The following SOX5 variants were observed in gnomAD, a reference collection of about 807,000 sequenced individuals.
SOX5 encodes the protein transcription factor SOX-5.
SOX5 carries 9 observed loss-of-function variants against 92.0 expected under a neutral mutation model. The observed-to-expected ratio is 0.10, with a 90% CI of 0.06 to 0.17. The LOEUF (loss-of-function observed/expected upper bound fraction) is 0.17. Ranked by LOEUF, SOX5 falls within the 10% of genes least tolerant of loss-of-function variation. The pLI is 1.00. For missense variants in SOX5, 642 were observed against 944.5 expected, an observed-to-expected ratio of 0.68 and a Z score of 4.20; for synonymous variants, 344 against 336.3, an observed-to-expected ratio of 1.02 and a Z score of -0.25.
rs373935943 is a variant in SOX5, at chr12:24,393,496, C to T, written c.-250-24857G>A. The stretch of plus-strand genomic sequence containing the variant: ...ATCTGTACTGAGTCTACCACCCACC[C>T]CAAAATAAGTAGGTATCTGAATAAT... On this transcript the variant is annotated intron_variant, in intron 1 of 4. Transcript: ENST00000446891. This position sits in a 1 kb window ranked among gnomAD's most constrained non-coding sequence, Gnocchi z 5.0. Among the ~76,000 whole-genome samples the T allele has an allele frequency of 2.1e-4, 32 of 152,094 alleles. 1 individual carries two copies. Among genetic ancestry groups the T allele is most frequent in the African/African-American group, 6.8e-4 (28 of 41,458 alleles).
rs768214783 is a variant in SOX5, at chr12:24,153,796, A to G, written c.-2+59547T>C. 3.3e-5 allele frequency among the ~76,000 whole-genome samples: 5 copies of G among 152,262 alleles called. 1 individual carries two copies. The highest frequency in any genetic ancestry group is 5.9e-5 in the Non-Finnish European group (4 of 68,014). ...GATGATCCTGATCTGTGAAAAGTAC[A>G]ACGAATTTTATCACTTTCAAAGTGC... On this transcript the variant is annotated intron_variant, in intron 4 of 4. Transcript: ENST00000446891.
chr12:23,823,884 C>T (rs975978563), intron 3 of SOX5, among the ~76,000 whole-genome samples: 10 of 152,138 alleles, frequency 6.6e-5, no homozygotes, highest in African/African-American at 2.4e-4. Context: ...TCTCTGATAG[C>T]CTTTCTTTCG....
At chr12:24,330,469 A>G (rs1951180077) in intron 2 of SOX5, among the ~76,000 whole-genome samples, 1 of 152,238 alleles carries the variant, frequency 6.6e-6, no homozygotes, top group Non-Finnish European at 1.5e-5. Context: ...TGCTGCAGCC[A>G]TACTGGAGTA....
At chr12:24,299,536 T>C (rs562967085) in intron 2 of SOX5, among the ~76,000 whole-genome samples, 1 of 152,262 alleles carries the variant, frequency 6.6e-6, no homozygotes, top group South Asian at 2.1e-4. Context: ...ACTTATTGTC[T>C]ATTGTTTAAC....
At chr12:23,785,694 G>A (rs777386591) in intron 3 of SOX5, among the ~76,000 whole-genome samples, 42 of 152,130 alleles carry the variant, frequency 2.8e-4, no homozygotes, top group Non-Finnish European at 3.8e-4. Context: ...AAAAATGTTC[G>A]TAAGGCATTA....
chr12:23,794,402 T>C (rs2095528010), intron 3 of SOX5, among the ~76,000 whole-genome samples: 1 of 152,156 alleles, frequency 6.6e-6, no homozygotes, highest in African/African-American at 2.4e-5. Context: ...TCTTGTAGTC[T>C]AGCAGCTACT....
At chr12:23,792,622 CAAAAAAAAAAAAAAAAAAAAAAAA>C (rs749845598) in intron 3 of SOX5, among the ~76,000 whole-genome samples, 22 of 38,964 alleles carry the variant, frequency 5.6e-4, no homozygotes, top group Non-Finnish European at 7.7e-4. Flanking sequence ...GGCTCTGTCT[CAAAAAAAAAAAAAAAAAAAAAAAA>C]AAAAAAAAAA....
At chr12:23,537,387 A>G (rs1384580763) in intron 13 of SOX5, among the ~76,000 whole-genome samples, 1 of 152,174 alleles carries the variant, frequency 6.6e-6, no homozygotes, top group Admixed American at 6.5e-5. Context: ...AGCCAGGGTC[A>G]TAATTACTGA....
upstream of SOX5, among the ~76,000 whole-genome samples, chr12:23,954,526 C>T (rs1305805977): frequency 1.3e-5 from 2 of 151,926 alleles, no homozygotes; most frequent in African/African-American, 4.8e-5. Context: ...TCACCAGATG[C>T]CTGGTGAGCT....
chr12:24,338,166 T>C (rs947900530), intron 2 of SOX5, among the ~76,000 whole-genome samples: 1 of 152,178 alleles, frequency 6.6e-6, no homozygotes, highest in African/African-American at 2.4e-5. Context: ...CAATAATTTT[T>C]ATTAATAAGG....
chr12:24,147,277 G>T (rs1356002105), intron 4 of SOX5, among the ~76,000 whole-genome samples: 1 of 152,150 alleles, frequency 6.6e-6, no homozygotes, highest in Non-Finnish European at 1.5e-5. Context: ...ATGCAAGGTT[G>T]TTTTAAAATT....
At chr12:23,671,847 G>A (rs2084834411) in intron 6 of SOX5, among the ~76,000 whole-genome samples, 1 of 152,026 alleles carries the variant, frequency 6.6e-6, no homozygotes, top group Non-Finnish European at 1.5e-5. Context: ...TTTGATTCAA[G>A]ACAAAGACAA....
intron 1 of SOX5, among the ~76,000 whole-genome samples, chr12:24,426,709 C>T (rs12826109): frequency 2.0e-5 from 3 of 152,092 alleles, no homozygotes; most frequent in Admixed American, 6.5e-5. Flanking sequence ...AATACTCCAG[C>T]GTACTGCCCC....
chr12:24,001,591 G>T (rs748269040), intron 4 of SOX5, among the ~76,000 whole-genome samples: 2 of 152,116 alleles, frequency 1.3e-5, no homozygotes, highest in Non-Finnish European at 2.9e-5. Flanking sequence ...AGTACTTTGA[G>T]AGGCAAAAGC....
intron 4 of SOX5, among the ~76,000 whole-genome samples, chr12:24,127,555 A>T (rs1294004208): frequency 6.6e-6 from 1 of 152,168 alleles, no homozygotes; most frequent in Admixed American, 6.5e-5. Flanking sequence ...ATTGAGGAAG[A>T]TCCTAAGCTT....
At chr12:23,550,936 T>G (rs182120399) in intron 11 of SOX5, among the ~76,000 whole-genome samples, 1 of 152,080 alleles carries the variant, frequency 6.6e-6, no homozygotes, top group East Asian at 1.9e-4. Context: ...AATTAAACAG[T>G]GCGTGAGTAG....
chr12:23,584,572 A>G, intron 9 of SOX5: 2 of 1,611,636 alleles, frequency 1.2e-6, no homozygotes, highest in South Asian at 1.1e-5. Flanking sequence ...CTATGGCACA[A>G]ATCTCCAACA....
intron 3 of SOX5, among the ~76,000 whole-genome samples, chr12:23,844,768 T>C (rs576581458): frequency 6.6e-6 from 1 of 152,208 alleles, no homozygotes; most frequent in Admixed American, 6.5e-5. Flanking sequence ...TTTATGTTTT[T>C]AAAATAATTA....
At chr12:24,432,711 C>T (rs1293952606) in intron 1 of SOX5, among the ~76,000 whole-genome samples, 2 of 152,014 alleles carry the variant, frequency 1.3e-5, no homozygotes, top group East Asian at 1.9e-4. Context: ...ATTAGGAAGG[C>T]TGAGGCAGAA....
Sources: gnomAD v4.1 joint callset for allele counts (sites outside exome capture counted in the v4.1 genomes callset) on GRCh38, gnomAD v4.1.1 for gene constraint, Gnocchi (gnomAD v3.1) non-coding constraint, MANE v1.5 for transcripts, NCBI Gene and HGNC (gene_info 2026-07-23, HGNC 2026-07-21) for gene names.